ABCA13: variants seen among roughly 807,000 people sequenced by gnomAD.
ABCA13 encodes the protein ATP-binding cassette sub-family A member 13.
ABCA13 carries 476 observed loss-of-function variants against 478.7 expected under a neutral mutation model. The observed-to-expected ratio is 0.99, with a 90% CI of 0.92 to 1.07. The LOEUF (loss-of-function observed/expected upper bound fraction) is 1.07. Among genes scored for constraint, ABCA13 ranks in the 50% least tolerant of loss-of-function variants. The pLI is 0.00. For synonymous variants in ABCA13, 2,252 were observed against 2,158.9 expected (o/e 1.04, Z -1.20); for missense variants, 6,060 against 5,910.6 (o/e 1.03, Z -0.83).
At position 48,426,157 on chromosome 7, in the gene ABCA13, A is replaced by C. The variant is rs190499165; in HGVS notation, c.12460-1609A>C. On this transcript the variant is annotated intron_variant, in intron 41 of 61. Coordinates refer to ENST00000435803, the MANE Select transcript of ABCA13 (RefSeq NM_152701.5). ...AATGTTATTAATCATTCTTCTTCTT[A>C]TTATTATTTGCAATAGTAGTGAGGT... 6.7e-4 allele frequency among the ~76,000 whole-genome samples: 102 copies of C among 152,294 alleles called. 1 individual carries two copies. The highest frequency in any genetic ancestry group is 9.3e-4 in the Non-Finnish European group (63 of 68,012).
chr7:48,615,320 C>T lies in ABCA13; in HGVS notation c.14780C>T (p.Ala4927Val). Residue 4927 changes from alanine (A) to valine (V), a missense_variant, in exon 59 of 62, where the codon GCC becomes GTC. Transcript: ENST00000435803. ...TGTGAGGCTCTTTGCACAAGACTGG[C>T]CATAATGGTTAACGGCAGCTTCAAA... ...EECEALCTRL[A>V]IMVNGSFKCL... 1 of 1,582,430 alleles carries T rather than the reference C, an allele frequency of 6.3e-7. No individual in the cohort carries two copies.
intron 45 of ABCA13, among the ~76,000 whole-genome samples, chr7:48,475,458 ATTTT>A (rs398047655): frequency 8.0e-5 from 8 of 100,478 alleles, no homozygotes; most frequent in African/African-American, 3.1e-4. Context: ...TGTCAATTTA[ATTTT>A]TTTTTTTTTT....
At chr7:48,449,744 G>A (rs1824754464) in intron 42 of ABCA13, among the ~76,000 whole-genome samples, 1 of 152,188 alleles carries the variant, frequency 6.6e-6, no homozygotes, top group South Asian at 2.1e-4. Flanking sequence ...GTCTTTTCAT[G>A]TCTGCCAATT....
chr7:48,287,864 G>C (rs1797978797), intron 19 of ABCA13, 96 bp from the exon 20 acceptor site: 1 of 876,852 alleles, frequency 1.1e-6, no homozygotes, highest in Non-Finnish European at 1.8e-6. Flanking sequence ...TTAGGAATTT[G>C]TATCACTTTG....
chr7:48,518,651 A>T, intron 52 of ABCA13, among the ~76,000 whole-genome samples: 1 of 152,058 alleles, frequency 6.6e-6, no homozygotes, highest in East Asian at 1.9e-4. Flanking sequence ...TTATTTTGAT[A>T]TTATTTGCTT....
At chr7:48,236,755 C>T (rs941696401) in intron 8 of ABCA13, among the ~76,000 whole-genome samples, 1 of 152,214 alleles carries the variant, frequency 6.6e-6, no homozygotes, top group East Asian at 1.9e-4. Flanking sequence ...AGCCTTAAAT[C>T]TCACTTGCCA....
intron 55 of ABCA13, among the ~76,000 whole-genome samples, chr7:48,576,403 C>T (rs1788189433): frequency 6.6e-6 from 1 of 152,140 alleles, no homozygotes; most frequent in Non-Finnish European, 1.5e-5. Flanking sequence ...GGAACCCTAC[C>T]AGATTCTCCA....
At chr7:48,260,414 G>A (rs1454920137) in intron 15 of ABCA13, among the ~76,000 whole-genome samples, 5 of 152,104 alleles carry the variant, frequency 3.3e-5, no homozygotes, top group East Asian at 3.9e-4. Flanking sequence ...ACTAATTTAC[G>A]TTCCTCCAGC....
At chr7:48,288,832 A>G (rs946923524) in intron 20 of ABCA13, among the ~76,000 whole-genome samples, 2 of 152,076 alleles carry the variant, frequency 1.3e-5, no homozygotes, top group Admixed American at 1.3e-4. Flanking sequence ...GAATCAGACA[A>G]TGTGTCTCTT....
intron 1 of ABCA13, among the ~76,000 whole-genome samples, chr7:48,184,362 A>G (rs1796086009): frequency 6.6e-6 from 1 of 152,210 alleles, no homozygotes; most frequent in African/African-American, 2.4e-5. Flanking sequence ...CTTCAAGTCT[A>G]TGGCTGGTCT....
At chr7:48,573,891 T>C (rs1218643262) in intron 55 of ABCA13, among the ~76,000 whole-genome samples, 1 of 152,102 alleles carries the variant, frequency 6.6e-6, no homozygotes, top group Non-Finnish European at 1.5e-5. Context: ...TACAGCCCTG[T>C]CTCCTTGGCT....
intron 42 of ABCA13, among the ~76,000 whole-genome samples, chr7:48,436,035 A>G (rs745990473): frequency 2.7e-5 from 4 of 150,606 alleles, no homozygotes; most frequent in Admixed American, 6.6e-5. Context: ...GCATTGCCTC[A>G]TACAATGAAT....
intron 3 of ABCA13, among the ~76,000 whole-genome samples, chr7:48,204,827 G>T (rs1215321071): frequency 6.6e-6 from 1 of 152,166 alleles, no homozygotes; most frequent in African/African-American, 2.4e-5. Flanking sequence ...ACTCCGGATG[G>T]GTCTGGGGTT....
At chr7:48,192,937 T>A (rs1797294322) in intron 1 of ABCA13, 22 bp from the exon 2 acceptor site, 2 of 1,475,874 alleles carry the variant, frequency 1.4e-6, no homozygotes, top group Admixed American at 2.4e-5. Flanking sequence ...CAGGTGATTT[T>A]TTTTTTTTTT....
intron 49 of ABCA13, 134 bp downstream of exon 49, chr7:48,506,524 A>G (rs954964692): frequency 3.4e-5 from 33 of 967,370 alleles, no homozygotes; most frequent in Non-Finnish European, 5.1e-5. Context: ...GGAAATGCCC[A>G]CAGGACTTGG....
intron 3 of ABCA13, among the ~76,000 whole-genome samples, chr7:48,210,692 G>C (rs1221014191): frequency 6.6e-6 from 1 of 151,726 alleles, no homozygotes; most frequent in Non-Finnish European, 1.5e-5. Context: ...TTCCACTGTG[G>C]TCAGAAAAGA....
chr7:48,219,862 A>C (rs1396276170), intron 4 of ABCA13, among the ~76,000 whole-genome samples: 1 of 145,528 alleles, frequency 6.9e-6, no homozygotes, highest in African/African-American at 2.6e-5. Context: ...CTGTTTTTAA[A>C]ATCTGTCCCC....
intron 42 of ABCA13, among the ~76,000 whole-genome samples, chr7:48,437,897 T>C (rs1823058571): frequency 6.6e-6 from 1 of 152,086 alleles, no homozygotes; most frequent in South Asian, 2.1e-4. Context: ...CTTGGCCACT[T>C]TCAAATGCCT....
At chr7:48,570,832 A>G (rs952312218) in intron 55 of ABCA13, among the ~76,000 whole-genome samples, 1 of 152,058 alleles carries the variant, frequency 6.6e-6, no homozygotes, top group Non-Finnish European at 1.5e-5. Context: ...GGTTTCCACC[A>G]TTTTACTATT....
Sources: allele counts gnomAD v4.1 joint callset (sites outside exome capture counted in the v4.1 genomes callset), GRCh38; gene constraint gnomAD v4.1.1; transcripts MANE v1.5; gene names NCBI Gene and HGNC (gene_info 2026-07-23, HGNC 2026-07-21).